BTRC: variants seen among roughly 807,000 people sequenced by gnomAD.
BTRC encodes the protein beta-transducin repeat containing E3 ubiquitin protein ligase.
BTRC carries 42 observed loss-of-function variants against 85.5 expected under a neutral mutation model. That is an observed-to-expected ratio of 0.49 (90% confidence interval 0.38 to 0.64). The LOEUF (loss-of-function observed/expected upper bound fraction) is 0.64, where lower values mean the gene tolerates loss of function less well. Ranked by LOEUF, BTRC falls within the 30% of genes least tolerant of loss-of-function variation. BTRC has a pLI of 0.00. For missense variants in BTRC, 594 were observed against 743.5 expected (o/e 0.80, Z 2.34); for synonymous variants, 255 against 263.3 (o/e 0.97, Z 0.30).
chr10:101,547,260 A>G (rs1276002382), intron 13 of BTRC, among the ~76,000 whole-genome samples: 1 of 151,220 alleles, frequency 6.6e-6, no homozygotes, highest in Non-Finnish European at 1.5e-5. Flanking sequence ...CCAAGATCAC[A>G]CCATTTCTAG....
At chr10:101,547,103 G>A (rs1263216306) in intron 13 of BTRC, among the ~76,000 whole-genome samples, 2 of 152,120 alleles carry the variant, frequency 1.3e-5, no homozygotes, top group African/African-American at 4.8e-5. Context: ...AAGTTCAATA[G>A]GTTAGGCAGA....
chr10:101,436,496 G>A (rs1442049316), intron 2 of BTRC, among the ~76,000 whole-genome samples: 1 of 152,026 alleles, frequency 6.6e-6, no homozygotes. Flanking sequence ...AATTAGCTGG[G>A]TGTGGTGGTA....
At position 101,469,421 on chromosome 10, in the gene BTRC, G is replaced by A. The variant is rs372653996; in HGVS notation, c.234+7363G>A. 1.1e-4 allele frequency among the ~76,000 whole-genome samples: 16 copies of A among 152,204 alleles called. No individual in the cohort carries two copies. In the South Asian group the frequency reaches 3.3e-3, roughly 32 times the overall value. On this transcript the variant is annotated intron_variant, in intron 3 of 14. Transcript: ENST00000370187. ...TACTCTGGAAACTCCCTCAGGCCTG[G>A]CACAGAGTTTCTGAATCTATCTAAT...
At chr10:101,552,992 C>T (rs536832305) in intron 14 of BTRC, among the ~76,000 whole-genome samples, 163 bp from the exon 15 acceptor site, 1 of 152,228 alleles carries the variant, frequency 6.6e-6, no homozygotes, top group Non-Finnish European at 1.5e-5. Flanking sequence ...CAGGCCAGGT[C>T]ACCTTTGACA....
At chr10:101,467,559 A>AG (rs1248387691) in intron 3 of BTRC, among the ~76,000 whole-genome samples, 1 of 152,124 alleles carries the variant, frequency 6.6e-6, no homozygotes, top group African/African-American at 2.4e-5. Context: ...ACTATGCTTA[A>AG]GGGACTGTCT....
In BTRC at chr10:101,430,405, C is replaced by T; in HGVS notation, c.109C>T (p.Leu37=). 6.2e-7 allele frequency: 1 copy of T among 1,614,094 alleles called. No homozygotes were observed. The highest frequency in any genetic ancestry group is 8.5e-7 in the Non-Finnish European group (1 of 1,180,000). ...CAGCCTGGCGGACAGCATGCCTTCG[C>T]TGCGATGCCTGTATAACCCAGGGAC... ...CSSLADSMPS[L]RCLYNPGTGA... Residue 37 remains leucine (L), a synonymous_variant, in exon 2 of 15, where the codon CTG becomes TTG. Coordinates refer to ENST00000370187, the MANE Select transcript of BTRC (RefSeq NM_033637.4).
chr10:101,369,019 A>AAAT (rs909638242), intron 1 of BTRC, among the ~76,000 whole-genome samples: 1 of 151,938 alleles, frequency 6.6e-6, no homozygotes, highest in South Asian at 2.1e-4. Flanking sequence ...ACTCCATCTT[A>AAAT]AATAATAATA....
rs757028314 is a variant in BTRC at position 101,479,409 on chromosome 10, A to G, written c.276A>G (p.Thr92=). The G allele has an allele frequency of 1.9e-6, 3 of 1,613,504 alleles. No individual in the cohort carries two copies. The highest frequency in any genetic ancestry group is 2.2e-5 in the South Asian group (2 of 91,074). The stretch of plus-strand genomic sequence containing the variant: ...CCAGACTCTGCTTAAACCAAGAAAC[A>G]GTATGTTTAGCAAGCACTGCTATGA... The part of the protein sequence containing the change: ...SCARLCLNQE[T]VCLASTAMKT... Residue 92 remains threonine, a synonymous_variant, in exon 4 of 15, where the codon ACA becomes ACG. Transcript: ENST00000370187.
At chr10:101,513,519 C>T (rs555054434) in intron 4 of BTRC, among the ~76,000 whole-genome samples, 46 of 152,228 alleles carry the variant, frequency 3.0e-4, no homozygotes, top group African/African-American at 8.4e-4. Flanking sequence ...GAGTTTCATA[C>T]GAGTAGAATC....
At chr10:101,372,112 A>G (rs911785458) in intron 1 of BTRC, among the ~76,000 whole-genome samples, 99 of 152,032 alleles carry the variant, frequency 6.5e-4, no homozygotes, top group Non-Finnish European at 2.1e-4. Context: ...CCATTGGTCT[A>G]TTCTTGTGCC....
chr10:101,440,701 TG>T (rs1380762316), intron 2 of BTRC, among the ~76,000 whole-genome samples: 3 of 151,884 alleles, frequency 2.0e-5, no homozygotes, highest in Non-Finnish European at 4.4e-5. Context: ...CAGCCTGGGT[TG>T]ACAGAGTGAG....
chr10:101,490,025 T>TA (rs1255687969), intron 4 of BTRC, among the ~76,000 whole-genome samples: 3 of 152,136 alleles, frequency 2.0e-5, no homozygotes, highest in Non-Finnish European at 4.4e-5. Context: ...AATACACCCT[T>TA]AATTAAAGTT....
At chr10:101,502,689 A>T (rs980095985) in intron 4 of BTRC, among the ~76,000 whole-genome samples, 1 of 152,100 alleles carries the variant, frequency 6.6e-6, no homozygotes, top group Non-Finnish European at 1.5e-5. Context: ...ACCACAAGAC[A>T]TTTTACCACT....
intron 4 of BTRC, among the ~76,000 whole-genome samples, chr10:101,519,074 CTTTT>C (rs35213665): frequency 1.4e-4 from 15 of 104,936 alleles, no homozygotes; most frequent in South Asian, 9.8e-4. Flanking sequence ...CTCTTCTCAG[CTTTT>C]TTTTTTTTTT....
In BTRC at chr10:101,431,432, T is replaced by C. The variant is rs529461517; in HGVS notation, c.156+980T>C. On this transcript the variant is annotated intron_variant, in intron 2 of 14. Transcript: ENST00000370187. ...AGTTCCAGGATGTGCGAGAAACTTA[T>C]AGAGAAATAATGTGGAAAATTGTAG... is the stretch of plus-strand genomic sequence containing the variant. 1.7e-4 allele frequency among the ~76,000 whole-genome samples: 26 copies of C among 152,218 alleles called. No homozygotes were observed. In the East Asian group the frequency reaches 3.7e-3, roughly 21 times the overall value.
chr10:101,531,676 G>A (rs1048394991), intron 7 of BTRC, among the ~76,000 whole-genome samples: 2 of 151,930 alleles, frequency 1.3e-5, no homozygotes, highest in South Asian at 2.1e-4. Flanking sequence ...AGCCAAGATC[G>A]CACCACTGCA....
At chr10:101,454,127 CT>C (rs34726593) in intron 2 of BTRC, among the ~76,000 whole-genome samples, 56,214 of 152,006 alleles carry the variant, frequency 0.37, 11,591 homozygotes, top group Middle Eastern at 0.49. Context: ...CAAAACAAAA[CT>C]TTTTTTTAAG....
At chr10:101,443,158 G>A (rs1233314539) in intron 2 of BTRC, among the ~76,000 whole-genome samples, 4 of 151,920 alleles carry the variant, frequency 2.6e-5, no homozygotes, top group East Asian at 1.9e-4. Context: ...CTGGGATTAC[G>A]AGCATGAGCC....
At chr10:101,552,691 C>T (rs1329083792) in intron 14 of BTRC, among the ~76,000 whole-genome samples, 1 of 152,216 alleles carries the variant, frequency 6.6e-6, no homozygotes, top group East Asian at 1.9e-4. Context: ...CTAGTGCTCA[C>T]ATCCTCAACT....
Sources: gnomAD v4.1 joint callset for allele counts (sites outside exome capture counted in the v4.1 genomes callset) on GRCh38, gnomAD v4.1.1 for gene constraint, MANE v1.5 for transcripts, NCBI Gene and HGNC (gene_info 2026-07-23, HGNC 2026-07-21) for gene names.